The following DOT1L variants were observed in gnomAD, a reference collection of about 807,000 sequenced individuals.
DOT1L encodes the protein histone-lysine N-methyltransferase, H3 lysine-79 specific.
A neutral mutation model predicts 153.3 loss-of-function variants in DOT1L; 33 were observed. That is an observed-to-expected ratio of 0.22 (90% CI 0.16 to 0.29). The LOEUF (loss-of-function observed/expected upper bound fraction) is 0.29. Among genes scored for constraint, DOT1L ranks in the 10% least tolerant of loss-of-function variants. The pLI is 1.00. For missense variants in DOT1L, 1,847 were observed against 2,119.9 expected (o/e 0.87, Z 2.53); for synonymous variants, 1,135 against 965.1 (o/e 1.18, Z -3.26).
At chr19:2,177,438 A>C (rs937059010) in intron 1 of DOT1L, among the ~76,000 whole-genome samples, 1 of 152,102 alleles carries the variant, frequency 6.6e-6, no homozygotes, top group Non-Finnish European at 1.5e-5. Flanking sequence ...CTGGAATTAC[A>C]GGCACCCGCC....
intron 2 of DOT1L, among the ~76,000 whole-genome samples, chr19:2,183,417 C>T (rs977389584): frequency 2.0e-5 from 3 of 152,168 alleles, no homozygotes; most frequent in East Asian, 3.9e-4. Flanking sequence ...GTGATCCACC[C>T]GCCTCGGCCT....
chr19:2,168,052 T>C (rs1443842830), intron 1 of DOT1L, among the ~76,000 whole-genome samples: 1 of 152,144 alleles, frequency 6.6e-6, no homozygotes, highest in African/African-American at 2.4e-5. Flanking sequence ...CAGCAGCACA[T>C]TTATTCATGA....
In DOT1L at chr19:2,208,591, C is replaced by G. The variant is rs545408555; in HGVS notation, c.964-344C>G. On this transcript the variant is annotated intron_variant, in intron 11 of 27. Transcript: ENST00000398665. The surrounding 1 kb of genome is among the most constrained non-coding windows in gnomAD (Gnocchi z 4.4). Reference sequence around the variant, plus strand: ...CCTGGCACTGACGCCCTCGGCGCAGCCTCTCGCCTTCTCCTCTGAGGCGGG... The same window carrying G: ...CCTGGCACTGACGCCCTCGGCGCAGGCTCTCGCCTTCTCCTCTGAGGCGGG... Among the ~76,000 whole-genome samples, 1 of 152,212 alleles carries G rather than the reference C, an allele frequency of 6.6e-6. No individual in the cohort carries two copies. The highest frequency in any genetic ancestry group is 1.5e-5 in the Non-Finnish European group (1 of 68,032).
rs752168611 is a variant in DOT1L at position 2,231,413 on chromosome 19, G to A, written c.*1621G>A. On this transcript the variant is annotated 3_prime_UTR_variant, in exon 28 of 28. Coordinates refer to ENST00000398665, the MANE Select transcript of DOT1L (RefSeq NM_032482.3). Reference sequence around the variant, plus strand: ...AGGGAGCCACGGAGGAAAGGCTTCTGTGGTTGCTAGGTGGGGGAGTCCTGT... The same window carrying A: ...AGGGAGCCACGGAGGAAAGGCTTCTATGGTTGCTAGGTGGGGGAGTCCTGT... 3 of 204,754 alleles carry A rather than the reference G, an allele frequency of 1.5e-5. No homozygotes were observed. Among genetic ancestry groups the A allele is most frequent in the African/African-American group, 2.3e-5 (1 of 43,608 alleles). The allele number at this position is 204,754 out of a possible 1,614,324, so 12.7% of individuals were successfully genotyped here.
intron 3 of DOT1L, chr19:2,188,337 G>C (rs1286108316): frequency 1.3e-5 from 2 of 152,350 alleles, no homozygotes; most frequent in African/African-American, 2.4e-5. Context: ...TGGGGCTGGG[G>C]CTGGGGTGGG....
chr19:2,230,653 A>G lies in DOT1L; in HGVS notation c.*861A>G. The G allele has an allele frequency of 2.5e-6, 1 of 398,542 alleles. No homozygotes were observed. The highest frequency in any genetic ancestry group is 2.1e-5 in the African/African-American group (1 of 48,766). The allele number at this position is 398,542 out of a possible 1,614,324, so 24.7% of individuals were successfully genotyped here. ...TCACACTAATGAGTGGCAGTATTTTATAGAGATGTGATGAGAATTTATAAA... is the reference window on the plus strand; with the variant it reads ...TCACACTAATGAGTGGCAGTATTTTGTAGAGATGTGATGAGAATTTATAAA... On this transcript the variant is annotated 3_prime_UTR_variant, in exon 28 of 28. Transcript: ENST00000398665.
chr19:2,180,196 G>T (rs1001954935), intron 1 of DOT1L, among the ~76,000 whole-genome samples: 1 of 152,190 alleles, frequency 6.6e-6, no homozygotes, highest in African/African-American at 2.4e-5. Flanking sequence ...GGGGAAACAG[G>T]CCCCGTGGAG....
chr19:2,228,364 G>A (rs760215480), intron 27 of DOT1L: 1 of 1,310,356 alleles, frequency 7.6e-7, no homozygotes, highest in South Asian at 1.3e-5. Flanking sequence ...TGCTTAGCTA[G>A]CAGTGCGTAT....
In DOT1L at chr19:2,211,066, C is replaced by T. The variant is rs199563046; in HGVS notation, c.1352-33C>T. On this transcript the variant is annotated intron_variant, in intron 14 of 27. Transcript: ENST00000398665. ...CTCTGCCCACCGCTCTCCCGACCCG[C>T]CCTGTGCTGACGCCTGCCCTCCGCT... The T allele has an allele frequency of 7.3e-5, 117 of 1,600,590 alleles. No homozygotes were observed. In the East Asian group the frequency reaches 2.6e-3, roughly 36 times the overall value.
At position 2,204,377 on chromosome 19, in the gene DOT1L, G is replaced by C. The variant is rs1424185665; in HGVS notation, c.787+1598G>C. 6.6e-6 allele frequency among the ~76,000 whole-genome samples: 1 copy of C among 152,026 alleles called. No individual in the cohort carries two copies. Among genetic ancestry groups the C allele is most frequent in the Admixed American group, 6.6e-5 (1 of 15,252 alleles). On this transcript the variant is annotated intron_variant, in intron 9 of 27. Coordinates refer to ENST00000398665, the MANE Select transcript of DOT1L (RefSeq NM_032482.3). This position sits in a 1 kb window ranked among gnomAD's most constrained non-coding sequence, Gnocchi z 5.7. ...ATATCTGTGTGTGTGTGTGCGTGTG[G>C]CAGTGGTGTTTCTGACTTATCTTAG...
rs2024560952 is a variant in DOT1L at position 2,230,647 on chromosome 19, T to C, written c.*855T>C. 2.5e-6 allele frequency: 1 copy of C among 398,470 alleles called. No individual in the cohort carries two copies. The highest frequency in any genetic ancestry group is 4.4e-6 in the Non-Finnish European group (1 of 226,070). 24.7% of individuals were successfully genotyped at this position (398,470 alleles called of 1,614,324 possible). A position where few individuals can be genotyped will look rare whatever the true frequency, so the allele number is the denominator to read the frequency against. ...AGAGAGTCACACTAATGAGTGGCAGTATTTTATAGAGATGTGATGAGAATT... is the reference window on the plus strand; with the variant it reads ...AGAGAGTCACACTAATGAGTGGCAGCATTTTATAGAGATGTGATGAGAATT... On this transcript the variant is annotated 3_prime_UTR_variant, in exon 28 of 28. Coordinates refer to ENST00000398665, the MANE Select transcript of DOT1L (RefSeq NM_032482.3).
In DOT1L at chr19:2,226,463, C is replaced by A; in HGVS notation, c.3942C>A (p.Asn1314Lys). 1 of 1,601,964 alleles carries A rather than the reference C, an allele frequency of 6.2e-7. No individual in the cohort carries two copies. Among genetic ancestry groups the A allele is most frequent in the African/African-American group, 1.3e-5 (1 of 75,058 alleles). Residue 1314 changes from asparagine (N) to lysine (K), a missense_variant, in exon 27 of 28, where the codon AAC becomes AAA. Around this residue, in one of 8 missense-constraint regions of DOT1L, gnomAD observed 934 missense variants for 825.3 expected, o/e 1.13. Coordinates refer to ENST00000398665, the MANE Select transcript of DOT1L (RefSeq NM_032482.3). ...TCAGCCCGGGCACCAACCCTGCCAA[C>A]GGCTGCACCTTCGGCGGGGGCCTGG... ...DGLSPGTNPA[N>K]GCTFGGGLAA...
At chr19:2,227,700 C>T (rs2024411124) in intron 27 of DOT1L, 3 of 1,297,646 alleles carry the variant, frequency 2.3e-6, no homozygotes, top group Non-Finnish European at 3.0e-6. Context: ...TGGATGCTGC[C>T]GCTTGTTGAA....
intron 22 of DOT1L, among the ~76,000 whole-genome samples, chr19:2,218,519 G>C (rs974881727): frequency 6.6e-6 from 1 of 150,478 alleles, no homozygotes; most frequent in Non-Finnish European, 1.5e-5. Flanking sequence ...TCAGCCTCCC[G>C]AGTAGCTGGG....
Position 2,213,628 on chromosome 19 carries a change from A to G in DOT1L, c.1647A>G (p.Gln549=). 2 of 1,613,792 alleles carry G rather than the reference A, an allele frequency of 1.2e-6. No individual in the cohort carries two copies. ...QKEEIRRLFQ[Q]KLDELGVKAL... ...AGGAGATCAGGAGGCTGTTTCAGCA[A>G]AAATTGGATGAGGTAGTGGACCCCA... is the stretch of plus-strand genomic sequence containing the variant. Residue 549 remains glutamine, a synonymous_variant, in exon 17 of 28, where the codon CAA becomes CAG. Transcript: ENST00000398665.
At chr19:2,184,167 G>A (rs12980417) in intron 2 of DOT1L, among the ~76,000 whole-genome samples, 73,675 of 151,728 alleles carry the variant, frequency 0.49, 18,041 homozygotes, top group Middle Eastern at 0.53. Context: ...CTCCTGGACA[G>A]TGTGATGAGA....
rs532566241 is a variant in DOT1L at position 2,174,383 on chromosome 19, C to G, written c.82-6330C>G. ...CCTGTGTGGACCTTGGGTTGAGGGT[C>G]AAGTCTAAAAATGCTCTGTCAGGTT... On this transcript the variant is annotated intron_variant, in intron 1 of 27. Transcript: ENST00000398665. 1.1e-3 allele frequency among the ~76,000 whole-genome samples: 168 copies of G among 152,234 alleles called. 1 individual carries two copies. The highest frequency in any genetic ancestry group is 3.8e-3 in the African/African-American group (157 of 41,566).
intron 1 of DOT1L, among the ~76,000 whole-genome samples, chr19:2,171,048 C>T (rs770986366): frequency 5.3e-5 from 8 of 152,184 alleles, no homozygotes; most frequent in East Asian, 1.9e-4. Context: ...CTGCATTCTC[C>T]GCCTCCCAGG....
intron 23 of DOT1L, 124 bp from the exon 24 acceptor site, chr19:2,221,852 A>T (rs897619458): frequency 9.6e-7 from 1 of 1,043,608 alleles, no homozygotes; most frequent in Non-Finnish European, 1.3e-6. Flanking sequence ...CAGACTCCCA[A>T]CCCCTTCCCC....
Sources: gnomAD v4.1 joint callset for allele counts (sites outside exome capture counted in the v4.1 genomes callset) on GRCh38, gnomAD v4.1.1 for gene constraint, gnomAD v4.1.1 regional missense constraint, Gnocchi (gnomAD v3.1) non-coding constraint, MANE v1.5 for transcripts, NCBI Gene and HGNC (gene_info 2026-07-23, HGNC 2026-07-21) for gene names.